USH2A: variants seen among roughly 807,000 people sequenced by gnomAD.
The protein encoded by USH2A is Usher syndrome 2A (autosomal recessive, mild).
Under a neutral mutation model 538.9 loss-of-function variants are expected in USH2A, and 443 were observed. That is an observed-to-expected ratio of 0.82 (90% confidence interval 0.76 to 0.89). The LOEUF is 0.89. USH2A is among the 40% of genes least tolerant of loss of function. USH2A has a pLI of 0.00. For missense variants in USH2A, 6,633 were observed against 6,324.8 expected (o/e 1.05, Z -1.65); for synonymous variants, 2,413 against 2,273.5 (o/e 1.06, Z -1.75).
At chr1:216,145,362 C>A (rs764659053) in intron 21 of USH2A, among the ~76,000 whole-genome samples, 1 of 152,132 alleles carries the variant, frequency 6.6e-6, no homozygotes, top group South Asian at 2.1e-4. Flanking sequence ...AGGGGCAATG[C>A]GGTAAGAAGG....
intron 49 of USH2A, among the ~76,000 whole-genome samples, chr1:215,803,833 CTA>C (rs769702621): frequency 6.6e-5 from 10 of 152,094 alleles, no homozygotes; most frequent in Non-Finnish European, 1.0e-4. Flanking sequence ...CAAGTCAATC[CTA>C]AGCCAAAAGA....
At chr1:216,028,649 A>T (rs1669024345) in intron 32 of USH2A, among the ~76,000 whole-genome samples, 1 of 152,096 alleles carries the variant, frequency 6.6e-6, no homozygotes, top group Non-Finnish European at 1.5e-5. Flanking sequence ...TACAAAAGAC[A>T]AAGCGGAAAA....
chr1:215,976,410 C>T (rs554177232), intron 35 of USH2A, among the ~76,000 whole-genome samples: 4 of 152,210 alleles, frequency 2.6e-5, no homozygotes, highest in African/African-American at 9.6e-5. Context: ...AGAATGCTTC[C>T]AGCTTCTACC....
chr1:215,941,095 T>C (rs899791633), intron 37 of USH2A, among the ~76,000 whole-genome samples: 1 of 152,134 alleles, frequency 6.6e-6, no homozygotes, highest in Non-Finnish European at 1.5e-5. Context: ...CAGTCAGATT[T>C]TCCTAAATGT....
chr1:215,974,931 C>T (rs776536712), intron 35 of USH2A, among the ~76,000 whole-genome samples: 5 of 152,064 alleles, frequency 3.3e-5, no homozygotes, highest in African/African-American at 9.7e-5. Context: ...CCACAGTGGC[C>T]GAACTAATTT....
At chr1:215,971,724 T>A (rs979085492) in intron 35 of USH2A, among the ~76,000 whole-genome samples, 16 of 152,204 alleles carry the variant, frequency 1.1e-4, no homozygotes, top group African/African-American at 3.6e-4. Context: ...CATATTTTAT[T>A]TCTGCTTATG....
chr1:216,060,218 T>G (rs2031128638), intron 30 of USH2A, among the ~76,000 whole-genome samples: 1 of 152,328 alleles, frequency 6.6e-6, no homozygotes, highest in Admixed American at 6.5e-5. Context: ...AAAATGCAAA[T>G]TGCTAAATAC....
chr1:215,669,979 A>G (rs1404147456), intron 64 of USH2A, among the ~76,000 whole-genome samples: 2 of 152,214 alleles, frequency 1.3e-5, no homozygotes, highest in Non-Finnish European at 2.9e-5. Context: ...CCTGGCACTT[A>G]AGTGCTTACA....
At chr1:215,744,447 G>C (rs1277474117) in intron 58 of USH2A, among the ~76,000 whole-genome samples, 2 of 152,182 alleles carry the variant, frequency 1.3e-5, no homozygotes, top group African/African-American at 4.8e-5. Context: ...TTTGAATGAA[G>C]AATATAATGG....
chr1:216,086,085 T>A (rs906254616), intron 24 of USH2A, among the ~76,000 whole-genome samples: 4 of 151,980 alleles, frequency 2.6e-5, no homozygotes, highest in Non-Finnish European at 5.9e-5. Context: ...TGAAGGGTGA[T>A]TTTTTTTCCT....
At chr1:216,092,071 T>A (rs2032315286) in intron 22 of USH2A, among the ~76,000 whole-genome samples, 1 of 152,154 alleles carries the variant, frequency 6.6e-6, no homozygotes, top group Admixed American at 6.5e-5. Flanking sequence ...TCACAAAATA[T>A]CTGTGTAATC....
intron 46 of USH2A, among the ~76,000 whole-genome samples, chr1:215,842,023 A>G (rs1258521112): frequency 2.0e-5 from 3 of 152,304 alleles, no homozygotes; most frequent in Admixed American, 6.5e-5. Flanking sequence ...TAAAGGGATT[A>G]TTCAAAAAGT....
intron 64 of USH2A, among the ~76,000 whole-genome samples, chr1:215,657,735 G>A (rs765032541): frequency 2.6e-5 from 4 of 152,144 alleles, no homozygotes; most frequent in Non-Finnish European, 5.9e-5. Flanking sequence ...GAGCACTTTT[G>A]AAGTTCAGAG....
chr1:215,690,430 G>A (rs191888885), intron 61 of USH2A, among the ~76,000 whole-genome samples: 1,879 of 152,250 alleles, frequency 0.012, 28 homozygotes, highest in South Asian at 0.017. Context: ...TAGAGAAAGC[G>A]CTCATCTTTA....
At chr1:215,974,973 C>A (rs780459762) in intron 35 of USH2A, among the ~76,000 whole-genome samples, 21 of 152,132 alleles carry the variant, frequency 1.4e-4, no homozygotes, top group African/African-American at 5.1e-4. Flanking sequence ...AAGCATTCAA[C>A]CCTTTTCTTT....
intron 61 of USH2A, among the ~76,000 whole-genome samples, chr1:215,693,670 A>C (rs1658696817): frequency 6.6e-6 from 1 of 152,196 alleles, no homozygotes; most frequent in South Asian, 2.1e-4. Flanking sequence ...TTAAAGGAAA[A>C]GAATACTGAG....
At chr1:215,836,488 T>TTATA (rs201391869) in intron 47 of USH2A, among the ~76,000 whole-genome samples, 289 of 20,518 alleles carry the variant, frequency 0.014, 14 homozygotes, top group East Asian at 0.041. Context: ...ATAATATATA[T>TTATA]TATATATATA....
chr1:216,421,985 G>A lies in USH2A; in HGVS notation c.352C>T (p.Pro118Ser), dbSNP rs771074875. ...CTTGCAGAATTGCTATGGGCGTTAG[G>A]ATGCAGATCATTCTTGTCTGGTGTG... ...CITPDKNDLH[P>S]NAHSNSASFI... The change falls in exon 2 of 72, where the codon CCT becomes TCT. Residue 118 changes from proline (P) to serine (S), a missense_variant. Coordinates refer to ENST00000307340, the MANE Select transcript of USH2A (RefSeq NM_206933.4). 2 of 1,613,824 alleles carry A rather than the reference G, an allele frequency of 1.2e-6. No homozygotes were observed. Among genetic ancestry groups the A allele is most frequent in the Non-Finnish European group, 1.7e-6 (2 of 1,179,928 alleles).
chr1:216,266,391 TA>T (rs2036473798), intron 11 of USH2A, among the ~76,000 whole-genome samples: 1 of 152,064 alleles, frequency 6.6e-6, no homozygotes, highest in African/African-American at 2.4e-5. Flanking sequence ...TATAGTAAAC[TA>T]AAAAGCTAAG....
Sources: allele counts gnomAD v4.1 joint callset (sites outside exome capture counted in the v4.1 genomes callset), GRCh38; gene constraint gnomAD v4.1.1; transcripts MANE v1.5; gene names NCBI Gene and HGNC (gene_info 2026-07-23, HGNC 2026-07-21).